ERBB4: variants seen among roughly 807,000 people sequenced by gnomAD.
The protein encoded by ERBB4 is erb-b2 receptor tyrosine kinase 4.
A neutral mutation model predicts 158.0 loss-of-function variants in ERBB4; 42 were observed. The ratio of observed to expected loss-of-function variants is 0.27; its 90% confidence interval spans 0.21 to 0.34. The LOEUF is 0.34. Ranked by LOEUF, ERBB4 falls within the 10% of genes least tolerant of loss-of-function variation. The probability of loss-of-function intolerance (pLI) is 1.00; values close to 1 mark genes in which losing one functional copy is unlikely to be tolerated. For synonymous variants in ERBB4, 583 were observed against 558.7 expected (o/e 1.04, Z -0.61); for missense variants, 1,333 against 1,624.1 (o/e 0.82, Z 3.08).
chr2:211,392,950 C>T (rs1034690142), intron 25 of ERBB4, among the ~76,000 whole-genome samples: 9 of 152,044 alleles, frequency 5.9e-5, no homozygotes, highest in South Asian at 2.1e-4. Context: ...CCACCGCGCC[C>T]GGCTGGCTCT....
chr2:211,675,216 C>A (rs371378873), intron 13 of ERBB4, among the ~76,000 whole-genome samples: 1 of 6,610 alleles, frequency 1.5e-4, no homozygotes, highest in Non-Finnish European at 6.9e-4. Context: ...GGATAGGGAG[C>A]TTTGTTCCCT....
At chr2:211,884,058 C>G (rs956098970) in intron 3 of ERBB4, among the ~76,000 whole-genome samples, 1 of 152,044 alleles carries the variant, frequency 6.6e-6, no homozygotes, top group Non-Finnish European at 1.5e-5. Context: ...GCTTCTGAAA[C>G]AGTACAATAT....
chr2:211,453,243 C>T (rs1282344816), intron 20 of ERBB4, among the ~76,000 whole-genome samples: 6 of 152,110 alleles, frequency 3.9e-5, no homozygotes, highest in Non-Finnish European at 7.4e-5. Flanking sequence ...AGTAAGAGTG[C>T]AATTAAATTC....
chr2:211,754,407 C>CTTTTT (rs59474280), intron 4 of ERBB4, among the ~76,000 whole-genome samples: 13 of 138,042 alleles, frequency 9.4e-5, no homozygotes, highest in Admixed American at 1.5e-4. Flanking sequence ...GCAATAATCC[C>CTTTTT]TTTTTTTTTT....
intron 1 of ERBB4, among the ~76,000 whole-genome samples, chr2:212,246,859 G>T (rs1350497755): frequency 1.6e-4 from 25 of 152,100 alleles, no homozygotes; most frequent in Admixed American, 1.6e-3. Context: ...TGCACAGTAA[G>T]TTCTCCCAGT....
intron 2 of ERBB4, among the ~76,000 whole-genome samples, chr2:212,101,343 C>A (rs1247351625): frequency 2.1e-5 from 1 of 47,734 alleles, no homozygotes; most frequent in Admixed American, 1.4e-4. Context: ...CACACACACA[C>A]CCTATACATA....
chr2:211,907,502 G>A (rs1477138655), intron 3 of ERBB4, among the ~76,000 whole-genome samples: 3 of 151,094 alleles, frequency 2.0e-5, no homozygotes, highest in Non-Finnish European at 2.9e-5. Flanking sequence ...CAAACCCAGA[G>A]TTGAAAGTGA....
At chr2:211,876,076 A>G (rs1207325065) in intron 3 of ERBB4, among the ~76,000 whole-genome samples, 3 of 152,222 alleles carry the variant, frequency 2.0e-5, no homozygotes, top group African/African-American at 4.8e-5. Flanking sequence ...ATTTTAAAAT[A>G]GACAAATACA....
At chr2:212,499,657 A>G (rs1461071052) in intron 1 of ERBB4, among the ~76,000 whole-genome samples, 1 of 152,132 alleles carries the variant, frequency 6.6e-6, no homozygotes, top group Non-Finnish European at 1.5e-5. Flanking sequence ...ATGATAGCAT[A>G]AAATCAATAA....
At chr2:212,156,554 A>T (rs2081041195) in intron 1 of ERBB4, among the ~76,000 whole-genome samples, 1 of 152,144 alleles carries the variant, frequency 6.6e-6, no homozygotes, top group African/African-American at 2.4e-5. Flanking sequence ...TTTAAACCAC[A>T]ATATGATCTT....
chr2:211,522,775 A>G (rs1357340655), intron 20 of ERBB4, among the ~76,000 whole-genome samples: 1 of 152,128 alleles, frequency 6.6e-6, no homozygotes, highest in Non-Finnish European at 1.5e-5. Flanking sequence ...GCAATAAAGT[A>G]TTTTTTAATT....
chr2:211,888,928 C>T (rs1408503905), intron 3 of ERBB4, among the ~76,000 whole-genome samples: 1 of 151,474 alleles, frequency 6.6e-6, no homozygotes, highest in Non-Finnish European at 1.5e-5. Context: ...ATTGCTAGCA[C>T]AGCAGTCTGA....
intron 20 of ERBB4, among the ~76,000 whole-genome samples, chr2:211,449,667 A>C (rs1026512060): frequency 6.6e-6 from 1 of 152,230 alleles, no homozygotes; most frequent in East Asian, 1.9e-4. Flanking sequence ...ACAAGTTATA[A>C]AACATAAAGT....
intron 23 of ERBB4, 85 bp from the exon 24 acceptor site, chr2:211,422,189 G>T: frequency 5.3e-4 from 400 of 761,124 alleles, no homozygotes; most frequent in East Asian, 1.2e-3. Context: ...ATGAGCAAAA[G>T]TTTGAAAAAT....
chr2:211,957,348 T>C (rs2081062642), intron 2 of ERBB4, among the ~76,000 whole-genome samples: 1 of 152,116 alleles, frequency 6.6e-6, no homozygotes, highest in South Asian at 2.1e-4. Flanking sequence ...GTTGGTCATC[T>C]ACAAGCCAAG....
chr2:212,372,931 T>A (rs1048401527), intron 1 of ERBB4, among the ~76,000 whole-genome samples: 1 of 152,056 alleles, frequency 6.6e-6, no homozygotes, highest in Non-Finnish European at 1.5e-5. Flanking sequence ...AGATTAAAAC[T>A]ATACATAACA....
At chr2:212,031,351 T>C (rs1365501062) in intron 2 of ERBB4, among the ~76,000 whole-genome samples, 1 of 152,168 alleles carries the variant, frequency 6.6e-6, no homozygotes, top group Non-Finnish European at 1.5e-5. Flanking sequence ...CATTCTATCA[T>C]AGTTAAAGTG....
At chr2:212,325,762 C>A (rs1250576690) in intron 1 of ERBB4, among the ~76,000 whole-genome samples, 1 of 150,296 alleles carries the variant, frequency 6.7e-6, no homozygotes, top group Non-Finnish European at 1.5e-5. Context: ...GGTTAAAATG[C>A]AGCACAAAGG....
chr2:212,269,171 A>G (rs1300383753), intron 1 of ERBB4, among the ~76,000 whole-genome samples: 3 of 151,888 alleles, frequency 2.0e-5, no homozygotes, highest in African/African-American at 7.2e-5. Flanking sequence ...ATAAATTTCT[A>G]TAGTTCAAAA....
Sources: allele counts gnomAD v4.1 joint callset (sites outside exome capture counted in the v4.1 genomes callset), GRCh38; gene constraint gnomAD v4.1.1; transcripts MANE v1.5; gene names NCBI Gene and HGNC (gene_info 2026-07-23, HGNC 2026-07-21).